ARHGEF9: variants seen among roughly 807,000 people sequenced by gnomAD.
ARHGEF9 encodes the protein Cdc42 guanine nucleotide exchange factor 9.
Under a neutral mutation model 41.3 loss-of-function variants are expected in ARHGEF9, and 2 were observed. The ratio of observed to expected loss-of-function variants is 0.05; its 90% CI spans 0.02 to 0.15. ARHGEF9 has a LOEUF of 0.15. Among genes scored for constraint, ARHGEF9 ranks in the 10% least tolerant of loss-of-function variants. The pLI is 1.00. For synonymous variants in ARHGEF9, 160 were observed against 154.4 expected, an observed-to-expected ratio of 1.04 and a Z score of -0.27; for missense variants, 225 against 424.7, an observed-to-expected ratio of 0.53 and a Z score of 4.13.
intron 1 of ARHGEF9, chrX:63,754,492 G>A: frequency 9.1e-7 from 1 of 1,103,919 alleles, no homozygotes. Context: ...CATTCAGCGC[G>A]TTCCCAGGAA....
intron 2 of ARHGEF9, among the ~76,000 whole-genome samples, chrX:63,707,615 C>A (rs2052640228): frequency 9.0e-6 from 1 of 110,940 alleles, no homozygotes; most frequent in Non-Finnish European, 1.9e-5. Context: ...TTAATCAATT[C>A]TCCATATTTT....
chrX:63,781,293 TAA>T (rs2056376244), intron 1 of ARHGEF9, among the ~76,000 whole-genome samples: 1 of 111,965 alleles, frequency 8.9e-6, no homozygotes, highest in South Asian at 3.7e-4. Flanking sequence ...ATATTACAGA[TAA>T]ACAGTAGGTG....
chrX:63,639,681 T>C (rs2047503744), intron 9 of ARHGEF9: 1 of 112,319 alleles, frequency 8.9e-6, no homozygotes, highest in Admixed American at 9.5e-5. Context: ...ATCACAGCAC[T>C]ATTCACAATA....
intron 9 of ARHGEF9, chrX:63,638,770 G>C (rs2047447107): frequency 1.0e-5 from 3 of 292,692 alleles, no homozygotes; most frequent in Non-Finnish European, 1.8e-5. Context: ...TCTGTCCTGG[G>C]TTGAGAGTGA....
chrX:63,780,847 GTA>G (rs1556461662), intron 1 of ARHGEF9, among the ~76,000 whole-genome samples: 1 of 111,924 alleles, frequency 8.9e-6, no homozygotes, highest in African/African-American at 3.3e-5. Flanking sequence ...ATTTCAGTTT[GTA>G]AAGGTTCAAA....
intron 1 of ARHGEF9, among the ~76,000 whole-genome samples, chrX:63,741,962 C>T (rs1237521049): frequency 1.8e-5 from 2 of 112,391 alleles, no homozygotes; most frequent in Non-Finnish European, 3.8e-5. Context: ...TGTGAAGGTA[C>T]GGGCATAGAG....
Position 63,678,680 on chromosome X carries a change from T to C in ARHGEF9, c.583-108A>G, listed in dbSNP as rs2050422567. 22 of 526,240 alleles carry C rather than the reference T, an allele frequency of 4.2e-5. No individual in the cohort carries two copies. In the South Asian group the frequency reaches 6.0e-4, roughly 14 times the overall value. The allele number at this position is 526,240 out of a possible 1,213,427, so 43.4% of individuals were successfully genotyped here. A position where few individuals can be genotyped will look rare whatever the true frequency, so the allele number is the denominator to read the frequency against. On this transcript the variant is annotated intron_variant, in intron 4 of 9. Coordinates refer to ENST00000671741, the MANE Select transcript of ARHGEF9 (RefSeq NM_001353921.2). Reference sequence around the variant, plus strand: ...TTCTTAGGCAGAAATATTAAAATGATAATGAGTCAATTATTCTTAAATTGA... The same window carrying C: ...TTCTTAGGCAGAAATATTAAAATGACAATGAGTCAATTATTCTTAAATTGA...
At chrX:63,778,292 C>A (rs1231016282) in intron 1 of ARHGEF9, among the ~76,000 whole-genome samples, 3 of 112,011 alleles carry the variant, frequency 2.7e-5, no homozygotes, top group African/African-American at 9.7e-5. Flanking sequence ...CTACGTTGGC[C>A]CCTTTTAGCC....
chrX:63,680,484 C>T (rs554838874), intron 4 of ARHGEF9, among the ~76,000 whole-genome samples: 3 of 111,846 alleles, frequency 2.7e-5, no homozygotes, highest in East Asian at 2.8e-4. Context: ...TCAGTTTCAT[C>T]CCACCCAGAT....
intron 1 of ARHGEF9, among the ~76,000 whole-genome samples, chrX:63,762,183 A>G (rs1324598359): frequency 9.0e-6 from 1 of 111,604 alleles, no homozygotes; most frequent in East Asian, 2.8e-4. Flanking sequence ...GTCCAGGTGT[A>G]TTTGTTTACA....
chrX:63,641,101 C>A (rs1875282066), intron 9 of ARHGEF9: 1 of 110,863 alleles, frequency 9.0e-6, no homozygotes, highest in African/African-American at 3.3e-5. Context: ...TCTGTAATCC[C>A]AGAACTTTGG....
chrX:63,636,095 G>T lies in ARHGEF9; in HGVS notation c.*1933C>A, dbSNP rs2047302822. 8.9e-6 allele frequency: 1 copy of T among 112,163 alleles called. No homozygotes were observed. The highest frequency in any genetic ancestry group is 1.9e-5 in the Non-Finnish European group (1 of 53,273). 9.2% of individuals were successfully genotyped at this position (112,163 alleles called of 1,213,427 possible). Reference sequence around the variant, plus strand: ...TGTAATTTGATTCCCACAAAGAAAAGATTCCCAGGCTGGGCAATGCCTGGT... The same window carrying T: ...TGTAATTTGATTCCCACAAAGAAAATATTCCCAGGCTGGGCAATGCCTGGT... On this transcript the variant is annotated 3_prime_UTR_variant, in exon 10 of 10. Coordinates refer to ENST00000671741, the MANE Select transcript of ARHGEF9 (RefSeq NM_001353921.2).
chrX:63,676,016 G>A (rs1185274955), intron 5 of ARHGEF9, among the ~76,000 whole-genome samples: 5 of 111,945 alleles, frequency 4.5e-5, no homozygotes, highest in South Asian at 3.7e-4. Context: ...TGCAACAACC[G>A]CACATCTTTG....
At chrX:63,748,446 G>A (rs1385303787) in intron 1 of ARHGEF9, among the ~76,000 whole-genome samples, 1 of 112,038 alleles carries the variant, frequency 8.9e-6, no homozygotes, top group Non-Finnish European at 1.9e-5. Context: ...CTAATTTGTA[G>A]CACAGCATGA....
intron 8 of ARHGEF9, among the ~76,000 whole-genome samples, chrX:63,646,257 G>A (rs781914772): frequency 3.7e-4 from 41 of 111,696 alleles, no homozygotes; most frequent in African/African-American, 1.3e-3. Context: ...GTCAATTTTG[G>A]CTTTTGTTGC....
At chrX:63,651,128 C>T (rs1397170392) in intron 8 of ARHGEF9, among the ~76,000 whole-genome samples, 1 of 110,911 alleles carries the variant, frequency 9.0e-6, no homozygotes, top group East Asian at 2.8e-4. Flanking sequence ...AATAACAATG[C>T]CAAGCCGTTA....
chrX:63,782,245 A>AAATT (rs1273737883), intron 1 of ARHGEF9, among the ~76,000 whole-genome samples: 2 of 111,905 alleles, frequency 1.8e-5, no homozygotes, highest in African/African-American at 6.5e-5. Flanking sequence ...TGTGTTGAAT[A>AAATT]AATTAATGAC....
chrX:63,647,114 T>A (rs782634909), intron 8 of ARHGEF9, among the ~76,000 whole-genome samples: 1 of 111,728 alleles, frequency 9.0e-6, no homozygotes, highest in South Asian at 3.8e-4. Flanking sequence ...TGCTTATCAG[T>A]TTAAGGAGAT....
intron 1 of ARHGEF9, among the ~76,000 whole-genome samples, chrX:63,738,709 C>A (rs2054764359): frequency 9.0e-6 from 1 of 111,353 alleles, no homozygotes; most frequent in African/African-American, 3.3e-5. Context: ...CACAGCCAAT[C>A]AGTGGAAGAT....
Sources: allele counts gnomAD v4.1 joint callset (sites outside exome capture counted in the v4.1 genomes callset), GRCh38; gene constraint gnomAD v4.1.1; transcripts MANE v1.5; gene names NCBI Gene and HGNC (gene_info 2026-07-23, HGNC 2026-07-21).